The following PLPPR1 variants were observed in gnomAD, a reference collection of about 807,000 sequenced individuals.
PLPPR1 encodes phospholipid phosphatase related 1.
A neutral mutation model predicts 33.1 loss-of-function variants in PLPPR1; 10 were observed. The ratio of observed to expected loss-of-function variants is 0.30; its 90% CI spans 0.19 to 0.51. The LOEUF (loss-of-function observed/expected upper bound fraction) is 0.51. PLPPR1 is among the 20% of genes least tolerant of loss of function. The pLI, the probability that PLPPR1 is intolerant of heterozygous loss-of-function variation, is 0.97. For synonymous variants in PLPPR1, 151 were observed against 151.0 expected (o/e 1.00, Z 0.00); for missense variants, 304 against 408.1 (o/e 0.74, Z 2.20).
At chr9:101,033,262 G>A (rs1421118182) in intron 1 of PLPPR1, among the ~76,000 whole-genome samples, 1 of 152,192 alleles carries the variant, frequency 6.6e-6, no homozygotes, top group Non-Finnish European at 1.5e-5. Context: ...GCAACAGAAG[G>A]CAAATCCAAG....
rs567978009 is a variant in PLPPR1 at position 101,119,054 on chromosome 9, G to A, written c.-45-66396G>A. On this transcript the variant is annotated intron_variant, in intron 1 of 7. Coordinates refer to ENST00000374874, the MANE Select transcript of PLPPR1 (RefSeq NM_207299.2). ...TGCTTCTCTCCAATACTAAAATCAAGCCCCTGGGAATGGGCCAGCCAAATT... is the reference window on the plus strand; with the variant it reads ...TGCTTCTCTCCAATACTAAAATCAAACCCCTGGGAATGGGCCAGCCAAATT... 6.6e-5 allele frequency among the ~76,000 whole-genome samples: 10 copies of A among 152,262 alleles called. 1 individual carries two copies. In the South Asian group the frequency reaches 2.1e-3, roughly 32 times the overall value.
intron 1 of PLPPR1, among the ~76,000 whole-genome samples, chr9:101,173,058 A>G (rs1825968041): frequency 6.6e-6 from 1 of 152,052 alleles, no homozygotes; most frequent in Non-Finnish European, 1.5e-5. Context: ...TCACTTTTTG[A>G]GGCCCCAATC....
intron 7 of PLPPR1, among the ~76,000 whole-genome samples, chr9:101,318,982 T>C (rs1829105366): frequency 6.6e-6 from 1 of 152,206 alleles, no homozygotes; most frequent in African/African-American, 2.4e-5. Flanking sequence ...TTTGTCATAG[T>C]CTGTTTATCG....
At chr9:101,125,902 C>G in intron 1 of PLPPR1, 1 of 402,184 alleles carries the variant, frequency 2.5e-6, no homozygotes, top group Non-Finnish European at 4.7e-6. Flanking sequence ...ACAATGAACA[C>G]ATTCAGCCCA....
chr9:101,134,345 T>C (rs1409571372), intron 1 of PLPPR1, among the ~76,000 whole-genome samples: 1 of 151,856 alleles, frequency 6.6e-6, no homozygotes, highest in Non-Finnish European at 1.5e-5. Flanking sequence ...GATAATACAG[T>C]CCAAGTGTCA....
chr9:101,255,620 T>G (rs949783681), intron 2 of PLPPR1, among the ~76,000 whole-genome samples: 2 of 152,174 alleles, frequency 1.3e-5, no homozygotes, highest in Non-Finnish European at 1.5e-5. Context: ...GGCCTTTGCT[T>G]TAGGGATCTT....
At chr9:101,237,098 G>A (rs1827316735) in intron 2 of PLPPR1, among the ~76,000 whole-genome samples, 1 of 151,674 alleles carries the variant, frequency 6.6e-6, no homozygotes, top group Non-Finnish European at 1.5e-5. Context: ...TCAGAGAAAT[G>A]CAAATTAAAA....
chr9:101,187,458 A>T (rs1826224499), intron 2 of PLPPR1: 1 of 151,984 alleles, frequency 6.6e-6, no homozygotes, highest in African/African-American at 2.4e-5. Context: ...GGGAGAGGAA[A>T]GATGGTTTAT....
intron 2 of PLPPR1, among the ~76,000 whole-genome samples, chr9:101,225,403 G>A (rs1464103625): frequency 6.6e-6 from 1 of 152,012 alleles, no homozygotes; most frequent in Non-Finnish European, 1.5e-5. Flanking sequence ...TGGATTTAAC[G>A]AGAGCCATGC....
intron 3 of PLPPR1, among the ~76,000 whole-genome samples, chr9:101,270,652 A>G (rs941612965): frequency 3.3e-5 from 5 of 152,198 alleles, no homozygotes; most frequent in African/African-American, 1.2e-4. Context: ...CCCTTTCATG[A>G]GGCAAAAAAT....
At chr9:101,080,685 A>G (rs1830605944) in intron 1 of PLPPR1, among the ~76,000 whole-genome samples, 1 of 152,090 alleles carries the variant, frequency 6.6e-6, no homozygotes, top group Non-Finnish European at 1.5e-5. Context: ...ATGTCTGCCA[A>G]CCTCCGGGAA....
chr9:101,149,678 A>C (rs955947479), intron 1 of PLPPR1, among the ~76,000 whole-genome samples: 2 of 152,178 alleles, frequency 1.3e-5, no homozygotes, highest in Non-Finnish European at 2.9e-5. Context: ...TGTTGCTAGA[A>C]AGGAGTCAGA....
intron 1 of PLPPR1, among the ~76,000 whole-genome samples, chr9:101,151,508 G>A (rs1009540931): frequency 6.6e-6 from 1 of 152,196 alleles, no homozygotes; most frequent in Non-Finnish European, 1.5e-5. Context: ...GCTTTGATGT[G>A]TTCTAGAATC....
At chr9:101,066,286 C>G (rs1830412761) in intron 1 of PLPPR1, among the ~76,000 whole-genome samples, 1 of 152,014 alleles carries the variant, frequency 6.6e-6, no homozygotes, top group Non-Finnish European at 1.5e-5. Flanking sequence ...CACATACTAT[C>G]AATGTGACTT....
chr9:101,320,487 A>G (rs140471676), intron 7 of PLPPR1, among the ~76,000 whole-genome samples: 1 of 152,230 alleles, frequency 6.6e-6, no homozygotes, highest in African/African-American at 2.4e-5. Flanking sequence ...AAGAACCTCA[A>G]ATTTGACCAT....
intron 2 of PLPPR1, among the ~76,000 whole-genome samples, chr9:101,251,633 G>A (rs200551265): frequency 0.02 from 3,002 of 151,882 alleles, 38 homozygotes; most frequent in Middle Eastern, 0.082. Context: ...AGTTTCACCT[G>A]TTACTTCTCC....
intron 1 of PLPPR1, among the ~76,000 whole-genome samples, chr9:101,058,663 T>C (rs1830307676): frequency 1.3e-5 from 2 of 152,168 alleles, no homozygotes; most frequent in African/African-American, 2.4e-5. Flanking sequence ...TTAAATTATT[T>C]TTTTCTAATT....
chr9:101,236,904 T>C (rs570203345), intron 2 of PLPPR1, among the ~76,000 whole-genome samples: 6 of 151,638 alleles, frequency 4.0e-5, no homozygotes, highest in African/African-American at 1.4e-4. Flanking sequence ...AAACAACCTA[T>C]AGAATGGGAA....
intron 2 of PLPPR1, among the ~76,000 whole-genome samples, chr9:101,215,193 G>T (rs1172489493): frequency 1.3e-5 from 2 of 152,122 alleles, no homozygotes; most frequent in Non-Finnish European, 2.9e-5. Flanking sequence ...TTTATGAATT[G>T]TCCAGTGCTC....
Sources: gnomAD v4.1 joint callset for allele counts (sites outside exome capture counted in the v4.1 genomes callset) on GRCh38, gnomAD v4.1.1 for gene constraint, MANE v1.5 for transcripts, NCBI Gene and HGNC (gene_info 2026-07-23, HGNC 2026-07-21) for gene names.